The following MAP7D2 variants were observed in gnomAD, a reference collection of about 807,000 sequenced individuals.
MAP7D2 encodes MAP7 domain-containing protein 2.
MAP7D2 carries 33 observed loss-of-function variants against 63.5 expected under a neutral mutation model. The ratio of observed to expected loss-of-function variants is 0.52; its 90% CI spans 0.39 to 0.70. MAP7D2 has a LOEUF of 0.70. Among genes scored for constraint, MAP7D2 ranks in the 30% least tolerant of loss-of-function variants. The probability of loss-of-function intolerance (pLI) is 0.00; values close to 1 mark genes in which losing one functional copy is unlikely to be tolerated. For missense variants in MAP7D2, 626 were observed against 604.0 expected, an observed-to-expected ratio of 1.04 and a Z score of -0.38; for synonymous variants, 224 against 223.7, an observed-to-expected ratio of 1.00 and a Z score of -0.01.
intron 1 of MAP7D2, among the ~76,000 whole-genome samples, chrX:20,096,429 CAAAAAAAAAAAAAA>C (rs775218484): frequency 5.0e-5 from 2 of 40,117 alleles, no homozygotes; most frequent in Admixed American, 3.5e-4. Context: ...GACCTTGTCT[CAAAAAAAAAAAAAA>C]AAAAAGAAAA....
chrX:20,025,733 A>G lies in MAP7D2; in HGVS notation c.1227T>C (p.His409=). 8.3e-7 allele frequency: 1 copy of G among 1,211,798 alleles called. No individual in the cohort carries two copies. Among genetic ancestry groups the G allele is most frequent in the East Asian group, 3.0e-5 (1 of 33,839 alleles). Reference sequence around the variant, plus strand: ...CGGCAGCAGCATGCTTCTCGCTGGCATGCTTGTCCACTACATGCTTCTCTA... The same window carrying G: ...CGGCAGCAGCATGCTTCTCGCTGGCGTGCTTGTCCACTACATGCTTCTCTA... ...EALEKHVVDK[H]ASEKHAAAAG... The change falls in exon 9 of 17, where the codon CAT becomes CAC. Residue 409 remains histidine (H), a synonymous_variant. Transcript: ENST00000379643.
intron 7 of MAP7D2, among the ~76,000 whole-genome samples, chrX:20,042,860 T>C (rs1376070304): frequency 8.9e-6 from 1 of 112,390 alleles, no homozygotes; most frequent in Non-Finnish European, 1.9e-5. Flanking sequence ...TTCTCCTTGT[T>C]GTCTTTCAAA....
intron 1 of MAP7D2, among the ~76,000 whole-genome samples, chrX:20,104,764 C>T (rs2066525137): frequency 8.9e-6 from 1 of 112,299 alleles, no homozygotes; most frequent in Non-Finnish European, 1.9e-5. Flanking sequence ...AAAGCTTCCA[C>T]TGAAGGCTGT....
intron 1 of MAP7D2, among the ~76,000 whole-genome samples, chrX:20,103,573 C>G (rs2066492699): frequency 8.9e-6 from 1 of 112,285 alleles, no homozygotes; most frequent in South Asian, 3.8e-4. Context: ...TGTTTGAGAT[C>G]TGAAACTCCT....
In MAP7D2 at chrX:20,064,682, A is replaced by G. The variant is rs376113801; in HGVS notation, c.208+46T>C. 4.7e-6 allele frequency: 5 copies of G among 1,056,163 alleles called. No individual in the cohort carries two copies. The African/African-American group carries it at 7.4e-5, about 16-fold the overall frequency. 87.0% of individuals were successfully genotyped at this position (1,056,163 alleles called of 1,213,427 possible). The stretch of plus-strand genomic sequence containing the variant: ...AAGAATCTTCAGAAAAGACACCACC[A>G]TATCTCCACTCCCTTGGACCAAAAT... On this transcript the variant is annotated intron_variant, in intron 2 of 16. Coordinates refer to ENST00000379643, the MANE Select transcript of MAP7D2 (RefSeq NM_001168465.2).
intron 8 of MAP7D2, among the ~76,000 whole-genome samples, chrX:20,032,405 C>T (rs2074077538): frequency 9.0e-6 from 1 of 110,732 alleles, no homozygotes; most frequent in Non-Finnish European, 1.9e-5. Context: ...CCACACATCT[C>T]CCAGAGAAGC....
At chrX:20,031,058 A>G (rs1465083197) in intron 8 of MAP7D2, among the ~76,000 whole-genome samples, 2 of 111,587 alleles carry the variant, frequency 1.8e-5, no homozygotes, top group Non-Finnish European at 3.8e-5. Context: ...TGGGAGGCTG[A>G]GGCGGGTGGA....
intron 1 of MAP7D2, among the ~76,000 whole-genome samples, chrX:20,091,346 C>G (rs895876297): frequency 9.4e-6 from 1 of 106,351 alleles, no homozygotes; most frequent in Non-Finnish European, 1.9e-5. Flanking sequence ...AGCCACCGTG[C>G]CCGGCCCAGA....
intron 1 of MAP7D2, among the ~76,000 whole-genome samples, chrX:20,110,996 A>G (rs909387891): frequency 4.5e-5 from 5 of 111,651 alleles, no homozygotes; most frequent in African/African-American, 6.5e-5. Context: ...TGGGACTTCT[A>G]TGTGCAGGCC....
intron 10 of MAP7D2, among the ~76,000 whole-genome samples, chrX:20,022,683 A>G (rs1188151223): frequency 1.8e-5 from 2 of 111,897 alleles, no homozygotes; most frequent in African/African-American, 6.5e-5. Context: ...TGGGTGTCTG[A>G]GGAGATGGGA....
intron 11 of MAP7D2, 136 bp downstream of exon 11, chrX:20,015,958 A>G (rs1273162271): frequency 8.3e-6 from 5 of 600,006 alleles, no homozygotes; most frequent in Admixed American, 3.2e-5. Flanking sequence ...GCCCCAACTT[A>G]TATTTAATAA....
chrX:20,074,111 G>C (rs1432359090), intron 1 of MAP7D2, among the ~76,000 whole-genome samples: 1 of 104,491 alleles, frequency 9.6e-6, no homozygotes, highest in African/African-American at 3.5e-5. Context: ...CTCCAGCCTG[G>C]GCAACGAGAG....
intron 14 of MAP7D2, among the ~76,000 whole-genome samples, chrX:20,012,840 A>G (rs2073248579): frequency 8.9e-6 from 1 of 112,119 alleles, no homozygotes; most frequent in South Asian, 3.7e-4. Context: ...AGTGCCTCCT[A>G]TGCTGGGATT....
intron 2 of MAP7D2, 77 bp downstream of exon 2, chrX:20,064,651 A>T: frequency 2.3e-6 from 2 of 875,907 alleles, no homozygotes. Context: ...TCATTCACAA[A>T]TTTCTAAGAA....
At chrX:20,093,571 C>CT (rs2066126803) in intron 1 of MAP7D2, among the ~76,000 whole-genome samples, 1 of 111,001 alleles carries the variant, frequency 9.0e-6, no homozygotes, top group African/African-American at 3.3e-5. Flanking sequence ...GCAGGAGAAT[C>CT]GCTTGAACCC....
At chrX:20,025,608 T>C (rs1313696036) in intron 9 of MAP7D2, 73 bp downstream of exon 9, 1 of 1,137,242 alleles carries the variant, frequency 8.8e-7, no homozygotes, top group Non-Finnish European at 1.2e-6. Context: ...CCCCAAAACA[T>C]GAGAGAATGG....
chrX:20,112,115 G>A (rs2066761125), intron 1 of MAP7D2, among the ~76,000 whole-genome samples: 1 of 112,009 alleles, frequency 8.9e-6, no homozygotes, highest in Admixed American at 9.5e-5. Flanking sequence ...GACGGATGAA[G>A]CGGGTGAGAT....
At chrX:20,038,959 C>A (rs1000665547) in intron 8 of MAP7D2, among the ~76,000 whole-genome samples, 1 of 112,008 alleles carries the variant, frequency 8.9e-6, no homozygotes, top group Non-Finnish European at 1.9e-5. Flanking sequence ...ACTACAAGAG[C>A]CCAATCCTGG....
chrX:20,063,424 C>T lies in MAP7D2; in HGVS notation c.362G>A (p.Arg121Gln), dbSNP rs1429971367. 13 of 1,209,360 alleles carry T rather than the reference C, an allele frequency of 1.1e-5. No individual in the cohort carries two copies. Among genetic ancestry groups the T allele is most frequent in the Non-Finnish European group, 1.3e-5 (12 of 894,947 alleles). The change falls in exon 3 of 17, where the codon CGG becomes CAG. Residue 121 changes from arginine (R) to glutamine (Q), a missense_variant. Transcript: ENST00000379643. ...GCACCTGGGCCTTACCTCCTCCTCCCGGAGCTTCTGTTTCCTTTTCTCTTC... is the reference window on the plus strand; with the variant it reads ...GCACCTGGGCCTTACCTCCTCCTCCTGGAGCTTCTGTTTCCTTTTCTCTTC... ...AVEEKRKQKL[R>Q]EEEERLEAMM...
Sources: gnomAD v4.1 joint callset for allele counts (sites outside exome capture counted in the v4.1 genomes callset) on GRCh38, gnomAD v4.1.1 for gene constraint, MANE v1.5 for transcripts, NCBI Gene and HGNC (gene_info 2026-07-23, HGNC 2026-07-21) for gene names.